The following MAP2K5 variants were observed in gnomAD, a reference collection of about 807,000 sequenced individuals.
The protein encoded by MAP2K5 is mitogen-activated protein kinase kinase 5, also known as dual specificity mitogen-activated protein kinase kinase 5.
Under a neutral mutation model 83.1 loss-of-function variants are expected in MAP2K5, and 49 were observed. That is an observed-to-expected ratio of 0.59 (90% CI 0.47 to 0.75). The LOEUF is 0.75. Among genes scored for constraint, MAP2K5 ranks in the 30% least tolerant of loss-of-function variants. MAP2K5 has a pLI of 0.00. For missense variants in MAP2K5, 457 were observed against 557.5 expected, an observed-to-expected ratio of 0.82 and a Z score of 1.82; for synonymous variants, 202 against 191.8, an observed-to-expected ratio of 1.05 and a Z score of -0.44.
chr15:67,646,266 G>A lies in MAP2K5; in HGVS notation c.621G>A (p.Lys207=). The A allele has an allele frequency of 6.9e-7, 1 of 1,444,234 alleles. No homozygotes were observed. Among genetic ancestry groups the A allele is most frequent in the Non-Finnish European group, 9.6e-7 (1 of 1,038,534 alleles). The allele number at this position is 1,444,234 out of a possible 1,614,324, so 89.5% of individuals were successfully genotyped here. The change falls in exon 10 of 22, where the codon AAG becomes AAA. Residue 207 remains lysine, a synonymous_variant. Transcript: ENST00000178640. ...TAGATATTACACTGGAACTTCAGAA[G>A]CAAATTATGTCTGAATTGGAAATTC... ...ILLDITLELQ[K]QIMSELEILY...
At chr15:67,546,365 A>G (rs1476527026) in intron 1 of MAP2K5, 1 of 153,260 alleles carries the variant, frequency 6.5e-6, no homozygotes, top group Non-Finnish European at 1.4e-5. Flanking sequence ...CACCCAGCTA[A>G]TTTTTGGCAG....
intron 17 of MAP2K5, among the ~76,000 whole-genome samples, chr15:67,737,401 T>A (rs767809363): frequency 5.9e-5 from 9 of 152,206 alleles, no homozygotes; most frequent in Non-Finnish European, 1.2e-4. Flanking sequence ...GGGACAGACC[T>A]GGCCGAGCTT....
At chr15:67,704,358 G>A (rs2088499531) in intron 16 of MAP2K5, among the ~76,000 whole-genome samples, 1 of 152,208 alleles carries the variant, frequency 6.6e-6, no homozygotes, top group Non-Finnish European at 1.5e-5. Context: ...CCAAAGTGCT[G>A]GGATTGTAGG....
In MAP2K5 at chr15:67,562,209, G is replaced by A. The variant is rs1880953935; in HGVS notation, c.185-1074G>A. The stretch of plus-strand genomic sequence containing the variant: ...CATTTCTTTCAACTGTGCATTTACA[G>A]TCTACTACATAGGCTGTCCTCACTG... On this transcript the variant is annotated intron_variant, in intron 2 of 21. Coordinates refer to ENST00000178640, the MANE Select transcript of MAP2K5 (RefSeq NM_145160.3). This position sits in a 1 kb window ranked among gnomAD's most constrained non-coding sequence, Gnocchi z 4.1. 2.0e-5 allele frequency among the ~76,000 whole-genome samples: 3 copies of A among 152,190 alleles called. No homozygotes were observed. The South Asian group carries it at 6.2e-4, about 32-fold the overall frequency.
chr15:67,620,038 C>T (rs1484623956), intron 8 of MAP2K5, among the ~76,000 whole-genome samples: 4 of 152,210 alleles, frequency 2.6e-5, no homozygotes, highest in Non-Finnish European at 4.4e-5. Context: ...ACACTGTACT[C>T]CAGCCTGAGT....
chr15:67,670,318 A>G, intron 13 of MAP2K5: 1 of 438,860 alleles, frequency 2.3e-6, no homozygotes, highest in South Asian at 1.6e-5. Flanking sequence ...CAAACAGTGG[A>G]GGAGGAGTTG....
Position 67,677,510 on chromosome 15 carries a change from G to A in MAP2K5, c.847+12865G>A, listed in dbSNP as rs530444850. Among the ~76,000 whole-genome samples the A allele has an allele frequency of 1.3e-5, 2 of 152,246 alleles. No homozygotes were observed. Among genetic ancestry groups the A allele is most frequent in the South Asian group, 2.1e-4 (1 of 4,822 alleles). ...CCAGGATTAGTCTTCGGGACACACC[G>A]CTCCAAGTCAAGTCTGCTGTCTTAC... is the stretch of plus-strand genomic sequence containing the variant. On this transcript the variant is annotated intron_variant, in intron 13 of 21. Coordinates refer to ENST00000178640, the MANE Select transcript of MAP2K5 (RefSeq NM_145160.3). The surrounding 1 kb of genome is among the most constrained non-coding windows in gnomAD (Gnocchi z 4.2).
chr15:67,588,913 T>G (rs1596606695), intron 6 of MAP2K5, among the ~76,000 whole-genome samples: 1 of 152,354 alleles, frequency 6.6e-6, no homozygotes, highest in Non-Finnish European at 1.5e-5. Context: ...CCTCCTGGGC[T>G]CAAGTGGTCC....
chr15:67,781,552 T>C lies in MAP2K5; in HGVS notation c.1242+8800T>C, dbSNP rs2090328605. On this transcript the variant is annotated intron_variant, in intron 21 of 21. Transcript: ENST00000178640. The surrounding 1 kb of genome is among the most constrained non-coding windows in gnomAD (Gnocchi z 4.0). ...AATTTTCAAGATTAGAATTAAACGT[T>C]AGGCCTTGGTCTACCGAGAGACATT... Among the ~76,000 whole-genome samples, 1 of 152,228 alleles carries C rather than the reference T, an allele frequency of 6.6e-6. No individual in the cohort carries two copies.
intron 7 of MAP2K5, among the ~76,000 whole-genome samples, chr15:67,597,030 A>G (rs969705024): frequency 1.3e-5 from 2 of 152,100 alleles, no homozygotes; most frequent in African/African-American, 4.8e-5. Context: ...TTAGCTGGGC[A>G]TGGTGGTGGG....
At chr15:67,669,973 C>T (rs1567349303) in intron 13 of MAP2K5, among the ~76,000 whole-genome samples, 1 of 152,084 alleles carries the variant, frequency 6.6e-6, no homozygotes, top group Non-Finnish European at 1.5e-5. Context: ...AAACATATGT[C>T]CACACAAAAA....
rs1025797137 is a variant in MAP2K5, at chr15:67,672,438, T to G, written c.847+7793T>G. On this transcript the variant is annotated intron_variant, in intron 13 of 21. Transcript: ENST00000178640. ...GTGATGATGAGCATTTTTTCATGTTTTTTGGCTGCATAAATGTCTTCTTTT... is the reference window on the plus strand; with the variant it reads ...GTGATGATGAGCATTTTTTCATGTTGTTTGGCTGCATAAATGTCTTCTTTT... 2.2e-4 allele frequency among the ~76,000 whole-genome samples: 34 copies of G among 152,210 alleles called. 1 individual carries two copies. The South Asian group carries it at 4.2e-3, about 19-fold the overall frequency.
At chr15:67,580,700 C>A in intron 3 of MAP2K5, 54 bp from the exon 4 acceptor site, 2 of 1,086,930 alleles carry the variant, frequency 1.8e-6, no homozygotes, top group South Asian at 2.5e-5. Context: ...CCATAAGTGT[C>A]TGTTCCAGTA....
chr15:67,677,373 A>G lies in MAP2K5; in HGVS notation c.847+12728A>G, dbSNP rs1344603293. Among the ~76,000 whole-genome samples, 1 of 152,234 alleles carries G rather than the reference A, an allele frequency of 6.6e-6. No individual in the cohort carries two copies. Among genetic ancestry groups the G allele is most frequent in the African/African-American group, 2.4e-5 (1 of 41,464 alleles). On this transcript the variant is annotated intron_variant, in intron 13 of 21. Coordinates refer to ENST00000178640, the MANE Select transcript of MAP2K5 (RefSeq NM_145160.3). The surrounding 1 kb of genome is among the most constrained non-coding windows in gnomAD (Gnocchi z 4.2). Reference sequence around the variant, plus strand: ...TATCTCAAGGGTTACAATGAGAATTAAATGAGGTAATGCATATGATAATAA... The same window carrying G: ...TATCTCAAGGGTTACAATGAGAATTGAATGAGGTAATGCATATGATAATAA...
rs2090254464 is a variant in MAP2K5, at chr15:67,777,182, T to A, written c.1242+4430T>A. Among the ~76,000 whole-genome samples the A allele has an allele frequency of 6.6e-6, 1 of 152,074 alleles. No individual in the cohort carries two copies. Among genetic ancestry groups the A allele is most frequent in the Admixed American group, 6.6e-5 (1 of 15,264 alleles). On this transcript the variant is annotated intron_variant, in intron 21 of 21. Coordinates refer to ENST00000178640, the MANE Select transcript of MAP2K5 (RefSeq NM_145160.3). This position sits in a 1 kb window ranked among gnomAD's most constrained non-coding sequence, Gnocchi z 6.0. Reference sequence around the variant, plus strand: ...TGAGGGTGGGGTGGGGTGCTTTCTATGGGGTTCAGCAGGGCTTTGCACCAG... The same window carrying A: ...TGAGGGTGGGGTGGGGTGCTTTCTAAGGGGTTCAGCAGGGCTTTGCACCAG...
intron 6 of MAP2K5, chr15:67,588,164 G>T (rs1349890615): frequency 1.1e-6 from 1 of 932,600 alleles, no homozygotes; most frequent in Non-Finnish European, 1.3e-6. Context: ...ACATATGGGT[G>T]CTCTGTGTAC....
intron 13 of MAP2K5, among the ~76,000 whole-genome samples, chr15:67,685,591 CATTAT>C (rs1000107668): frequency 3.3e-5 from 5 of 151,820 alleles, no homozygotes; most frequent in Non-Finnish European, 7.4e-5. Flanking sequence ...AAAATAAAGA[CATTAT>C]ATTATGGAGC....
intron 11 of MAP2K5, among the ~76,000 whole-genome samples, chr15:67,651,199 C>CAG (rs2086945290): frequency 6.6e-6 from 1 of 152,202 alleles, no homozygotes; most frequent in African/African-American, 2.4e-5. Flanking sequence ...GCCTGGGTGA[C>CAG]AGAGACTCTG....
intron 11 of MAP2K5, among the ~76,000 whole-genome samples, chr15:67,648,934 G>T (rs1007015450): frequency 6.6e-6 from 1 of 152,176 alleles, no homozygotes; most frequent in African/African-American, 2.4e-5. Context: ...AGGTCATATG[G>T]TAGCTTTATG....
Sources: allele counts gnomAD v4.1 joint callset (sites outside exome capture counted in the v4.1 genomes callset), GRCh38; gene constraint gnomAD v4.1.1; non-coding constraint Gnocchi (gnomAD v3.1); transcripts MANE v1.5; gene names NCBI Gene and HGNC (gene_info 2026-07-23, HGNC 2026-07-21).